Variants in ZNF711 observed in about 807,000 individuals in gnomAD.
ZNF711 encodes zinc finger protein 711.
ZNF711 carries 3 observed loss-of-function variants against 43.5 expected under a neutral mutation model. The ratio of observed to expected loss-of-function variants is 0.07; its 90% CI spans 0.03 to 0.18. ZNF711 has a LOEUF of 0.18. Among genes scored for constraint, ZNF711 ranks in the 10% least tolerant of loss-of-function variants. ZNF711 has a pLI of 1.00. For missense variants in ZNF711, 412 were observed against 604.0 expected, an observed-to-expected ratio of 0.68 and a Z score of 3.33; for synonymous variants, 209 against 207.7, an observed-to-expected ratio of 1.01 and a Z score of -0.06.
Position 85,271,861 on chromosome X carries a change from AGATAT to A in ZNF711, c.*40_*44del. 3.6e-6 allele frequency: 4 copies of A among 1,119,319 alleles called. No homozygotes were observed. Among genetic ancestry groups the A allele is most frequent in the Non-Finnish European group, 4.9e-6 (4 of 814,578 alleles). The allele number at this position is 1,119,319 out of a possible 1,213,427, so 92.2% of individuals were successfully genotyped here. A position where few individuals can be genotyped will look rare whatever the true frequency, so the allele number is the denominator to read the frequency against. ...AATATAAAGAAAGAAGCTATTTAGG[AGATAT>A]GATATGCTACTTGGGAGAAAACTCT... On this transcript the variant is annotated 3_prime_UTR_variant, in exon 11 of 11. Coordinates refer to ENST00000674551, the MANE Select transcript of ZNF711 (RefSeq NM_001330574.2).
At chrX:85,263,300 T>C (rs1398559422) in intron 5 of ZNF711, among the ~76,000 whole-genome samples, 2 of 111,221 alleles carry the variant, frequency 1.8e-5, no homozygotes, top group African/African-American at 6.5e-5. Context: ...TAAGTGTATT[T>C]AAAATGTAAG....
At chrX:85,264,993 G>T (rs1930975623) in intron 6 of ZNF711, 125 bp from the exon 7 acceptor site, 2 of 612,015 alleles carry the variant, frequency 3.3e-6, no homozygotes, top group Non-Finnish European at 2.5e-6. Context: ...AAATGTTCTT[G>T]GCACTTTGAA....
intron 4 of ZNF711, among the ~76,000 whole-genome samples, chrX:85,251,298 C>G (rs1373153963): frequency 1.8e-5 from 2 of 111,964 alleles, no homozygotes; most frequent in Admixed American, 9.5e-5. Flanking sequence ...ATATTTGAGA[C>G]TTAGAAATTT....
rs1931668871 is a variant in ZNF711 at position 85,272,969 on chromosome X, TA to T, written c.*1145del. On this transcript the variant is annotated 3_prime_UTR_variant, in exon 11 of 11. Coordinates refer to ENST00000674551, the MANE Select transcript of ZNF711 (RefSeq NM_001330574.2). ...TGCAAATCAAAATGGCACTTAATATTAAAAGCTGGTTTAGGGAAATTTTATG... is the reference window on the plus strand; with the variant it reads ...TGCAAATCAAAATGGCACTTAATATTAAAGCTGGTTTAGGGAAATTTTATG... The T allele has an allele frequency of 8.9e-6, 1 of 111,995 alleles. No individual in the cohort carries two copies. Among genetic ancestry groups the T allele is most frequent in the African/African-American group, 3.2e-5 (1 of 30,776 alleles). The allele number at this position is 111,995 out of a possible 1,213,427, so 9.2% of individuals were successfully genotyped here. A position where few individuals can be genotyped will look rare whatever the true frequency, so the allele number is the denominator to read the frequency against.
rs1264667145 is a variant in ZNF711, at chrX:85,243,995, G to T, written c.-602G>T. On this transcript the variant is annotated 5_prime_UTR_variant, in exon 1 of 11. Coordinates refer to ENST00000674551, the MANE Select transcript of ZNF711 (RefSeq NM_001330574.2). ...GAATGAGGCGGCGCGCCTCCCAGAC[G>T]CAGAGTAGATTGTGATTGGCTCGGG... 1 of 119,659 alleles carries T rather than the reference G, an allele frequency of 8.4e-6. No individual in the cohort carries two copies. Among genetic ancestry groups the T allele is most frequent in the Non-Finnish European group, 1.7e-5 (1 of 57,289 alleles). The allele number at this position is 119,659 out of a possible 1,213,427, so 9.9% of individuals were successfully genotyped here. A position where few individuals can be genotyped will look rare whatever the true frequency, so the allele number is the denominator to read the frequency against.
chrX:85,268,179 C>T (rs1033767143), intron 8 of ZNF711, 115 bp from the exon 9 acceptor site: 2 of 940,465 alleles, frequency 2.1e-6, no homozygotes, highest in Non-Finnish European at 2.9e-6. Context: ...TTTTTTTAAC[C>T]CAAGGAATGG....
Position 85,268,404 on chromosome X carries a change from G to T in ZNF711, c.1102+63G>T, listed in dbSNP as rs1931289085. 4 of 1,128,532 alleles carry T rather than the reference G, an allele frequency of 3.5e-6. No homozygotes were observed. In the Admixed American group the frequency reaches 9.4e-5, roughly 26 times the overall value. The allele number at this position is 1,128,532 out of a possible 1,213,427, so 93.0% of individuals were successfully genotyped here. A position where few individuals can be genotyped will look rare whatever the true frequency, so the allele number is the denominator to read the frequency against. On this transcript the variant is annotated intron_variant, in intron 9 of 10. Transcript: ENST00000674551. Reference sequence around the variant, plus strand: ...CTGGCTTTATTTTATTTTACTGCTTGGTAAGTAACAAGTTTGTGTCTACAG... The same window carrying T: ...CTGGCTTTATTTTATTTTACTGCTTTGTAAGTAACAAGTTTGTGTCTACAG...
At chrX:85,249,458 G>C (rs1032185570) in intron 4 of ZNF711, among the ~76,000 whole-genome samples, 1 of 111,211 alleles carries the variant, frequency 9.0e-6, no homozygotes, top group African/African-American at 3.3e-5. Context: ...TTCCTGAAGA[G>C]GTTGGCTATT....
At chrX:85,256,542 TAA>T (rs966854227) in intron 5 of ZNF711, among the ~76,000 whole-genome samples, 1 of 111,555 alleles carries the variant, frequency 9.0e-6, no homozygotes, top group African/African-American at 3.3e-5. Flanking sequence ...TACAAGTAGT[TAA>T]GATTAGACAA....
intron 7 of ZNF711, among the ~76,000 whole-genome samples, chrX:85,265,721 G>C (rs1476323338): frequency 9.0e-6 from 1 of 111,126 alleles, no homozygotes; most frequent in East Asian, 2.9e-4. Flanking sequence ...TGAAGGGCAG[G>C]ATTTTAATGG....
intron 6 of ZNF711, 49 bp from the exon 7 acceptor site, chrX:85,265,069 G>A: frequency 9.1e-7 from 1 of 1,100,984 alleles, no homozygotes; most frequent in Non-Finnish European, 1.2e-6. Context: ...TAATTTAGGT[G>A]GTTATTCCAT....
At chrX:85,250,187 G>A (rs767925577) in intron 4 of ZNF711, among the ~76,000 whole-genome samples, 2 of 112,060 alleles carry the variant, frequency 1.8e-5, no homozygotes, top group East Asian at 5.6e-4. Flanking sequence ...TTAGATTGAA[G>A]TATGAGTGCC....
At position 85,264,443 on chromosome X, in the gene ZNF711, A is replaced by G. The variant is rs1433196107; in HGVS notation, c.778+13A>G. 8.5e-7 allele frequency: 1 copy of G among 1,180,524 alleles called. No homozygotes were observed. Among genetic ancestry groups the G allele is most frequent in the Admixed American group, 2.3e-5 (1 of 44,167 alleles). On this transcript the variant is annotated intron_variant, in intron 6 of 10. Transcript: ENST00000674551. ...GATGTTGAAATAGGTACAAACACTA[A>G]TTTTAATTTATTGCTCCAATAGGAG...
chrX:85,260,811 G>GC (rs1299258509), intron 5 of ZNF711, among the ~76,000 whole-genome samples: 1 of 109,809 alleles, frequency 9.1e-6, no homozygotes, highest in African/African-American at 3.3e-5. Flanking sequence ...GCTGAACCCC[G>GC]CCCCCCCTGC....
chrX:85,263,871 C>T (rs943348553), intron 5 of ZNF711, among the ~76,000 whole-genome samples: 4 of 109,977 alleles, frequency 3.6e-5, no homozygotes, highest in African/African-American at 1.3e-4. Context: ...TTTCCATGAA[C>T]CTTGATGCTT....
chrX:85,246,426 T>C (rs1929055175), intron 2 of ZNF711, among the ~76,000 whole-genome samples: 1 of 112,291 alleles, frequency 8.9e-6, no homozygotes, highest in Admixed American at 9.4e-5. Context: ...CCTGAAATGG[T>C]GATAGGGGTT....
chrX:85,273,130 A>G lies in ZNF711; in HGVS notation c.*1302A>G, dbSNP rs1454185900. ...TATATTGTGGCTTTGTGTTTCAAAT[A>G]ATGTTCACCTTTCTGTTTTTGCACC... is the stretch of plus-strand genomic sequence containing the variant. On this transcript the variant is annotated 3_prime_UTR_variant, in exon 11 of 11. Transcript: ENST00000674551. 3.6e-5 allele frequency: 4 copies of G among 112,007 alleles called. No homozygotes were observed. The East Asian group carries it at 1.1e-3, about 32-fold the overall frequency. The allele number at this position is 112,007 out of a possible 1,213,427, so 9.2% of individuals were successfully genotyped here.
rs184292911 is a variant in ZNF711, at chrX:85,261,743, T to C, written c.623-2532T>C. Among the ~76,000 whole-genome samples the C allele has an allele frequency of 3.5e-4, 39 of 111,461 alleles. No individual in the cohort carries two copies. In the East Asian group the frequency reaches 9.3e-3, roughly 27 times the overall value. On this transcript the variant is annotated intron_variant, in intron 5 of 10. Coordinates refer to ENST00000674551, the MANE Select transcript of ZNF711 (RefSeq NM_001330574.2). The stretch of plus-strand genomic sequence containing the variant: ...CAATGCACTTCACTTTCTTATATTA[T>C]ATTTAGTGCCAGAAGAATTCTGTGG...
In ZNF711 at chrX:85,271,888, C is replaced by G. The variant is rs1211510941; in HGVS notation, c.*60C>G. On this transcript the variant is annotated 3_prime_UTR_variant, in exon 11 of 11. Coordinates refer to ENST00000674551, the MANE Select transcript of ZNF711 (RefSeq NM_001330574.2). ...ATATGATATGCTACTTGGGAGAAAA[C>G]TCTCACTAACTGTCTCACCGGGTTT... 3.5e-5 allele frequency: 33 copies of G among 931,085 alleles called. No individual in the cohort carries two copies. The Admixed American group carries it at 7.7e-4, about 22-fold the overall frequency. 76.7% of individuals were successfully genotyped at this position (931,085 alleles called of 1,213,427 possible).
Sources: allele counts gnomAD v4.1 joint callset (sites outside exome capture counted in the v4.1 genomes callset), GRCh38; gene constraint gnomAD v4.1.1; transcripts MANE v1.5; gene names NCBI Gene and HGNC (gene_info 2026-07-23, HGNC 2026-07-21).